APBA2: variants seen among roughly 807,000 people sequenced by gnomAD.
APBA2 encodes the protein amyloid-beta A4 precursor protein-binding family A member 2.
Under a neutral mutation model 75.0 loss-of-function variants are expected in APBA2, and 30 were observed. The ratio of observed to expected loss-of-function variants is 0.40; its 90% CI spans 0.30 to 0.54. The LOEUF (loss-of-function observed/expected upper bound fraction) is 0.54, where lower values mean the gene tolerates loss of function less well. APBA2 is among the 20% of genes least tolerant of loss of function. The probability of loss-of-function intolerance (pLI) is 0.49; values close to 1 mark genes in which losing one functional copy is unlikely to be tolerated. For missense variants in APBA2, 801 were observed against 1,016.1 expected, an observed-to-expected ratio of 0.79 and a Z score of 2.88; for synonymous variants, 444 against 409.6, an observed-to-expected ratio of 1.08 and a Z score of -1.01.
intron 2 of APBA2, among the ~76,000 whole-genome samples, chr15:28,966,660 C>A (rs1204879556): frequency 2.6e-5 from 4 of 152,028 alleles, no homozygotes; most frequent in Non-Finnish European, 5.9e-5. Context: ...TGTAGTTAGA[C>A]CATTTATATT....
intron 2 of APBA2, among the ~76,000 whole-genome samples, chr15:28,992,820 A>G (rs2038306321): frequency 6.6e-6 from 1 of 152,208 alleles, no homozygotes; most frequent in Non-Finnish European, 1.5e-5. Context: ...TCCAAACAAA[A>G]ATAAAGACCT....
intron 3 of APBA2, among the ~76,000 whole-genome samples, chr15:29,042,680 A>G (rs1444351538): frequency 1.3e-5 from 2 of 152,186 alleles, no homozygotes; most frequent in Non-Finnish European, 1.5e-5. Flanking sequence ...AAATCTACAC[A>G]GTACTGTATG....
chr15:29,096,678 T>C (rs1446004687), intron 8 of APBA2, among the ~76,000 whole-genome samples: 1 of 152,214 alleles, frequency 6.6e-6, no homozygotes, highest in East Asian at 1.9e-4. Flanking sequence ...ATTATTACAA[T>C]ACCGGGCCTC....
intron 4 of APBA2, among the ~76,000 whole-genome samples, chr15:29,058,579 C>A (rs142361742): frequency 2.0e-5 from 3 of 152,086 alleles, no homozygotes; most frequent in Admixed American, 1.3e-4. Flanking sequence ...CCTTTGGAGC[C>A]CTCCTGAGCT....
chr15:28,918,088 G>GA lies in APBA2; in HGVS notation c.-204-3552_-204-3551insA, dbSNP rs1319297580. 1.3e-5 allele frequency among the ~76,000 whole-genome samples: 2 copies of GA among 152,250 alleles called. No homozygotes were observed. Among genetic ancestry groups the GA allele is most frequent in the Non-Finnish European group, 2.9e-5 (2 of 68,048 alleles). ...GATAGGGATAAGAATCACCGCGAGT[G>GA]TTTGCTGAGCACTTGGGAGGCATAG... On this transcript the variant is annotated intron_variant, in intron 1 of 14. Coordinates refer to ENST00000683413, the MANE Select transcript of APBA2 (RefSeq NM_001353788.2). The surrounding 1 kb of genome is among the most constrained non-coding windows in gnomAD (Gnocchi z 4.2).
intron 2 of APBA2, among the ~76,000 whole-genome samples, chr15:28,968,755 C>A (rs1174006385): frequency 2.6e-5 from 4 of 152,148 alleles, no homozygotes; most frequent in African/African-American, 9.7e-5. Flanking sequence ...AAAATGAGGT[C>A]ATTAGGGCAG....
chr15:28,969,467 A>T (rs1321352309), intron 2 of APBA2, among the ~76,000 whole-genome samples: 2 of 152,084 alleles, frequency 1.3e-5, no homozygotes, highest in African/African-American at 4.8e-5. Context: ...GGTGTGAGCC[A>T]CTGCACCGGG....
chr15:28,886,387 CGAGCGCTCCA>C (rs1437738948), intron 1 of APBA2, 109 bp downstream of exon 1: 3 of 151,406 alleles, frequency 2.0e-5, no homozygotes, highest in Non-Finnish European at 4.4e-5. Flanking sequence ...GGTTGCGGCC[CGAGCGCTCCA>C]GAGCGCTGCC....
intron 1 of APBA2, among the ~76,000 whole-genome samples, chr15:28,916,410 A>G (rs1363616084): frequency 6.6e-6 from 1 of 152,178 alleles, no homozygotes; most frequent in East Asian, 1.9e-4. Context: ...GTTTGATTAT[A>G]TTGCTGCTGA....
rs117739277 is a variant in APBA2 at position 28,918,866 on chromosome 15, T to A, written c.-204-2774T>A. Among the ~76,000 whole-genome samples the A allele has an allele frequency of 9.0e-3, 1,364 of 151,802 alleles. 17 individuals are homozygous for A. The highest frequency in any genetic ancestry group is 0.048 in the East Asian group (247 of 5,140). Reference sequence around the variant, plus strand: ...CCAGTTAATTGTGGGGATTATTATTTTTTTTTTTTTGTAGACGGAGTCGCG... The same window carrying A: ...CCAGTTAATTGTGGGGATTATTATTATTTTTTTTTTGTAGACGGAGTCGCG... On this transcript the variant is annotated intron_variant, in intron 1 of 14. Coordinates refer to ENST00000683413, the MANE Select transcript of APBA2 (RefSeq NM_001353788.2). This position sits in a 1 kb window ranked among gnomAD's most constrained non-coding sequence, Gnocchi z 4.2.
chr15:29,041,668 C>A (rs952382623), intron 3 of APBA2, among the ~76,000 whole-genome samples: 1 of 151,922 alleles, frequency 6.6e-6, no homozygotes, highest in Non-Finnish European at 1.5e-5. Flanking sequence ...TTGGAAGATT[C>A]AGTATAGTTG....
intron 1 of APBA2, among the ~76,000 whole-genome samples, chr15:28,903,921 G>A (rs1434782994): frequency 6.6e-6 from 1 of 152,188 alleles, no homozygotes; most frequent in Admixed American, 6.5e-5. Flanking sequence ...GTCAGAGGAA[G>A]TGATTCCTAC....
intron 1 of APBA2, among the ~76,000 whole-genome samples, chr15:28,896,296 T>G (rs1222566012): frequency 6.6e-6 from 1 of 152,018 alleles, no homozygotes; most frequent in Non-Finnish European, 1.5e-5. Flanking sequence ...CTCTTCTCTT[T>G]TGAGACAGAG....
At chr15:29,016,494 C>G (rs1168164572) in intron 3 of APBA2, among the ~76,000 whole-genome samples, 5 of 152,202 alleles carry the variant, frequency 3.3e-5, no homozygotes, top group Non-Finnish European at 7.3e-5. Flanking sequence ...ATGGAGACAA[C>G]AGTCCCAGCC....
At position 28,967,282 on chromosome 15, in the gene APBA2, C is replaced by T. The variant is rs183723412; in HGVS notation, c.-94-28471C>T. 1.1e-3 allele frequency among the ~76,000 whole-genome samples: 172 copies of T among 152,112 alleles called. 1 individual carries two copies. The highest frequency in any genetic ancestry group is 1.7e-3 in the Non-Finnish European group (116 of 67,998). On this transcript the variant is annotated intron_variant, in intron 2 of 14. Transcript: ENST00000683413. ...GTATTCACAGAGTTTTGAATCATAA[C>T]CACAATCTAATGTAATAAAATTGTA...
At chr15:28,909,610 G>A (rs1016407742) in intron 1 of APBA2, among the ~76,000 whole-genome samples, 5 of 152,222 alleles carry the variant, frequency 3.3e-5, no homozygotes, top group African/African-American at 1.2e-4. Context: ...ACAGGCCAAA[G>A]CTACCTACTC....
chr15:29,051,784 G>C (rs2041605961), intron 3 of APBA2, among the ~76,000 whole-genome samples: 1 of 152,050 alleles, frequency 6.6e-6, no homozygotes, highest in Non-Finnish European at 1.5e-5. Context: ...GGGAAGAGGA[G>C]GTACAGGAAG....
At chr15:29,097,151 A>T (rs11070556) in intron 8 of APBA2, among the ~76,000 whole-genome samples, 101,536 of 152,310 alleles carry the variant, frequency 0.67, 39,429 homozygotes, top group Non-Finnish European at 0.86. Context: ...GTGGTGACTG[A>T]TTAAATCAGA....
At chr15:28,944,465 G>T (rs758646564) in intron 2 of APBA2, among the ~76,000 whole-genome samples, 1 of 152,142 alleles carries the variant, frequency 6.6e-6, no homozygotes, top group South Asian at 2.1e-4. Context: ...ATCTACTTCC[G>T]CCCTTCCGCA....
Sources: gnomAD v4.1 joint callset for allele counts (sites outside exome capture counted in the v4.1 genomes callset) on GRCh38, gnomAD v4.1.1 for gene constraint, Gnocchi (gnomAD v3.1) non-coding constraint, MANE v1.5 for transcripts, NCBI Gene and HGNC (gene_info 2026-07-23, HGNC 2026-07-21) for gene names.